AKAP7: variants seen among roughly 807,000 people sequenced by gnomAD.
AKAP7 encodes the protein A-kinase anchoring protein 7.
AKAP7 carries 39 observed loss-of-function variants against 39.5 expected under a neutral mutation model. The observed-to-expected ratio is 0.99, with a 90% CI of 0.76 to 1.29. The LOEUF (loss-of-function observed/expected upper bound fraction) is 1.29, where lower values mean the gene tolerates loss of function less well. Among genes scored for constraint, AKAP7 ranks in the 50% most tolerant of loss-of-function variants. The pLI, the probability that AKAP7 is intolerant of heterozygous loss-of-function variation, is 0.00. For synonymous variants in AKAP7, 140 were observed against 139.1 expected, an observed-to-expected ratio of 1.01 and a Z score of -0.05; for missense variants, 414 against 407.7, an observed-to-expected ratio of 1.02 and a Z score of -0.13.
intron 2 of AKAP7, among the ~76,000 whole-genome samples, chr6:131,152,462 C>T (rs376531281): frequency 5.4e-4 from 83 of 152,296 alleles, no homozygotes; most frequent in African/African-American, 1.7e-3. Flanking sequence ...GAAAAGCACA[C>T]GGATTTTATA....
intron 7 of AKAP7, among the ~76,000 whole-genome samples, chr6:131,251,240 G>A (rs566944072): frequency 1.3e-5 from 2 of 152,268 alleles, no homozygotes; most frequent in East Asian, 3.9e-4. Context: ...TTAAAGTGGT[G>A]ACATTTGCAC....
chr6:131,279,372 G>A (rs1255320819), intron 7 of AKAP7, among the ~76,000 whole-genome samples: 4 of 152,138 alleles, frequency 2.6e-5, no homozygotes, highest in African/African-American at 4.8e-5. Context: ...GAGTTCAAGT[G>A]ATTCTCCTGC....
chr6:131,199,509 G>A lies in AKAP7; in HGVS notation c.638G>A (p.Ser213Asn), dbSNP rs565029638. The A allele has an allele frequency of 1.5e-5, 24 of 1,611,848 alleles. No homozygotes were observed. In the Admixed American group the frequency reaches 2.3e-4, roughly 16 times the overall value. The change falls in exon 6 of 8, where the codon AGC (serine) becomes AAC (asparagine). Residue 213 changes from serine (S) to asparagine (N), a missense_variant. Transcript: ENST00000431975. The stretch of plus-strand genomic sequence containing the variant: ...GAAAAAGGCATCCTGGTAGGAGAGA[G>A]CAGAAGTTTTAAACCTCATTTGACC... The part of the protein sequence containing the change: ...FQEKGILVGE[S>N]RSFKPHLTFM...
At chr6:131,166,752 G>A (rs1241933528) in intron 4 of AKAP7, among the ~76,000 whole-genome samples, 3 of 152,086 alleles carry the variant, frequency 2.0e-5, no homozygotes, top group Non-Finnish European at 4.4e-5. Context: ...GAATTGATGA[G>A]GTTTCTGGGA....
chr6:131,185,341 G>C (rs1437544166), intron 5 of AKAP7: 1 of 521,240 alleles, frequency 1.9e-6, no homozygotes, highest in South Asian at 1.7e-5. Context: ...AATTGTTCTG[G>C]GCTACTCCAG....
chr6:131,234,000 G>A (rs754604597), intron 7 of AKAP7, among the ~76,000 whole-genome samples: 1 of 152,182 alleles, frequency 6.6e-6, no homozygotes, highest in Non-Finnish European at 1.5e-5. Context: ...AATGGGGGTA[G>A]TGAAGTATGA....
chr6:131,280,082 C>G (rs112932184), intron 7 of AKAP7, among the ~76,000 whole-genome samples: 2,558 of 152,268 alleles, frequency 0.017, 69 homozygotes, highest in African/African-American at 0.058. Flanking sequence ...ATAGTAAATA[C>G]ATTACCAATG....
At chr6:131,272,894 T>C (rs1237893785) in intron 7 of AKAP7, among the ~76,000 whole-genome samples, 1 of 152,330 alleles carries the variant, frequency 6.6e-6, no homozygotes, top group East Asian at 1.9e-4. Flanking sequence ...TCTTCTGTAT[T>C]TTCACAGAAT....
chr6:131,282,028 G>C lies in AKAP7; in HGVS notation c.*302G>C. On this transcript the variant is annotated 3_prime_UTR_variant, in exon 8 of 8. Transcript: ENST00000431975. The stretch of plus-strand genomic sequence containing the variant: ...TTATGCCTCCTGGACGCAAATTAAA[G>C]GCCGAGAAAGAGGCCTTGCCATCAA... The C allele has an allele frequency of 8.7e-7, 1 of 1,147,288 alleles. No homozygotes were observed. The highest frequency in any genetic ancestry group is 1.1e-6 in the Non-Finnish European group (1 of 935,168). The allele number at this position is 1,147,288 out of a possible 1,614,324, so 71.1% of individuals were successfully genotyped here.
chr6:131,235,202 C>T (rs1585144816), intron 7 of AKAP7, among the ~76,000 whole-genome samples: 1 of 152,264 alleles, frequency 6.6e-6, no homozygotes, highest in Middle Eastern at 3.4e-3. Flanking sequence ...ATGATGGTTT[C>T]CAGCTTCATC....
intron 5 of AKAP7, among the ~76,000 whole-genome samples, chr6:131,174,885 G>A (rs746548530): frequency 5.3e-5 from 8 of 151,554 alleles, no homozygotes; most frequent in Non-Finnish European, 1.2e-4. Flanking sequence ...GTTGACCTTT[G>A]AACAATGTGG....
intron 1 of AKAP7, among the ~76,000 whole-genome samples, chr6:131,142,197 A>C (rs964972368): frequency 2.6e-5 from 4 of 152,234 alleles, no homozygotes; most frequent in Non-Finnish European, 5.9e-5. Flanking sequence ...AGAGATTAGC[A>C]TGACTAAAAT....
chr6:131,149,699 T>C lies in AKAP7; in HGVS notation c.151+4283T>C, dbSNP rs17060063. On this transcript the variant is annotated intron_variant, in intron 2 of 7. Transcript: ENST00000431975. ...AACCTGTGCCACACCTTTGGCTCCA[T>C]AGGGTGGACACGTTTTAGGAGAAAA... Among the ~76,000 whole-genome samples, 1,528 of 152,276 alleles carry C rather than the reference T, an allele frequency of 0.01. 116 individuals carry two copies. The East Asian group carries it at 0.18, about 18-fold the overall frequency.
intron 7 of AKAP7, among the ~76,000 whole-genome samples, chr6:131,222,758 TA>T (rs1809818737): frequency 6.6e-6 from 1 of 152,218 alleles, no homozygotes; most frequent in South Asian, 2.1e-4. Context: ...ACTTAATTGA[TA>T]AAACAGTGGC....
chr6:131,165,787 C>A (rs1302796730), intron 4 of AKAP7, among the ~76,000 whole-genome samples: 2 of 152,132 alleles, frequency 1.3e-5, no homozygotes, highest in East Asian at 3.9e-4. Flanking sequence ...TTGAAGACAA[C>A]TCATTGATTA....
chr6:131,139,771 A>G (rs946147133), intron 1 of AKAP7, among the ~76,000 whole-genome samples: 1 of 152,216 alleles, frequency 6.6e-6, no homozygotes, highest in Non-Finnish European at 1.5e-5. Context: ...CTTTTAAGGA[A>G]CTTCGACTAT....
At chr6:131,128,145 C>A in the AKAP7 span, among the ~76,000 whole-genome samples, 1 of 152,070 alleles carries the variant, frequency 6.6e-6, no homozygotes, top group African/African-American at 2.4e-5. Flanking sequence ...AAAACCTGCA[C>A]ATGTACCCCT....
At chr6:131,248,589 G>T (rs1181489727) in intron 7 of AKAP7, among the ~76,000 whole-genome samples, 1 of 152,064 alleles carries the variant, frequency 6.6e-6, no homozygotes, top group Admixed American at 6.5e-5. Context: ...CTTATTTTTG[G>T]GTGAAGAAAC....
chr6:131,264,721 A>G (rs1246013630), intron 7 of AKAP7, among the ~76,000 whole-genome samples: 1 of 152,116 alleles, frequency 6.6e-6, no homozygotes, highest in African/African-American at 2.4e-5. Context: ...TAAAGAAAAG[A>G]GGTTTCATTG....
Sources: allele counts gnomAD v4.1 joint callset (sites outside exome capture counted in the v4.1 genomes callset), GRCh38; gene constraint gnomAD v4.1.1; transcripts MANE v1.5; gene names NCBI Gene and HGNC (gene_info 2026-07-23, HGNC 2026-07-21).